Variants in HS3ST4 observed in about 807,000 individuals in gnomAD.
HS3ST4 encodes heparan sulfate-glucosamine 3-sulfotransferase 4, also known as heparan sulfate glucosamine 3-O-sulfotransferase 4.
A neutral mutation model predicts 29.2 loss-of-function variants in HS3ST4; 17 were observed. The observed-to-expected ratio is 0.58, with a 90% CI of 0.40 to 0.87. The LOEUF is 0.87. Among genes scored for constraint, HS3ST4 ranks in the 40% least tolerant of loss-of-function variants. The pLI is 0.00. For missense variants in HS3ST4, 627 were observed against 634.5 expected (o/e 0.99, Z 0.13); for synonymous variants, 314 against 285.7 (o/e 1.10, Z -1.00).
chr16:25,937,000 A>T (rs1968522930), intron 1 of HS3ST4, among the ~76,000 whole-genome samples: 1 of 152,164 alleles, frequency 6.6e-6, no homozygotes, highest in African/African-American at 2.4e-5. Flanking sequence ...CATCTCTCAG[A>T]TTTTGTGCTT....
intron 1 of HS3ST4, among the ~76,000 whole-genome samples, chr16:25,910,669 A>T (rs1443332653): frequency 6.6e-6 from 1 of 152,138 alleles, no homozygotes; most frequent in African/African-American, 2.4e-5. Context: ...AGTTAAACAA[A>T]AAAAACAAGT....
chr16:25,704,209 A>G (rs1966357623), intron 1 of HS3ST4, among the ~76,000 whole-genome samples: 1 of 152,216 alleles, frequency 6.6e-6, no homozygotes, highest in Admixed American at 6.5e-5. Context: ...GTAGCTAAGA[A>G]TTGTTCTCAG....
intron 1 of HS3ST4, among the ~76,000 whole-genome samples, chr16:26,098,807 G>C (rs561682162): frequency 1.3e-5 from 2 of 152,100 alleles, no homozygotes; most frequent in African/African-American, 4.8e-5. Context: ...CTGTGCAGGG[G>C]GGTAGATGTA....
chr16:25,988,387 G>A (rs1334266377), intron 1 of HS3ST4, among the ~76,000 whole-genome samples: 2 of 152,192 alleles, frequency 1.3e-5, no homozygotes, highest in East Asian at 1.9e-4. Flanking sequence ...GGCCAGGTGG[G>A]ACTGTGGATG....
At chr16:25,948,141 T>G (rs1348305420) in intron 1 of HS3ST4, among the ~76,000 whole-genome samples, 1 of 152,168 alleles carries the variant, frequency 6.6e-6, no homozygotes, top group Non-Finnish European at 1.5e-5. Flanking sequence ...TCCGACAGTC[T>G]CAAGGTCTCA....
chr16:25,829,791 A>G (rs1469791488), intron 1 of HS3ST4, among the ~76,000 whole-genome samples: 2 of 152,182 alleles, frequency 1.3e-5, no homozygotes, highest in Non-Finnish European at 2.9e-5. Flanking sequence ...ATGGTGTAAA[A>G]TACACTATTT....
At chr16:25,999,573 G>A (rs967744789) in intron 1 of HS3ST4, among the ~76,000 whole-genome samples, 5 of 150,118 alleles carry the variant, frequency 3.3e-5, no homozygotes, top group African/African-American at 1.2e-4. Context: ...CATGTATCTT[G>A]TTCTTTTTTG....
At chr16:25,883,561 C>CT (rs1376231671) in intron 1 of HS3ST4, among the ~76,000 whole-genome samples, 1 of 152,106 alleles carries the variant, frequency 6.6e-6, no homozygotes, top group African/African-American at 2.4e-5. Flanking sequence ...TTCAGGTCAG[C>CT]TTTTGGAGAG....
chr16:25,875,433 G>A (rs1238911819), intron 1 of HS3ST4, among the ~76,000 whole-genome samples: 2 of 152,146 alleles, frequency 1.3e-5, no homozygotes, highest in African/African-American at 4.8e-5. Flanking sequence ...TGCTGACTCT[G>A]TAGACCTCAT....
At chr16:25,713,380 G>A (rs1047883557) in intron 1 of HS3ST4, among the ~76,000 whole-genome samples, 1 of 151,902 alleles carries the variant, frequency 6.6e-6, no homozygotes, top group African/African-American at 2.4e-5. Flanking sequence ...ATACGAAAAT[G>A]AGCTGGGTGT....
rs144680390 is a variant in HS3ST4 at position 25,751,246 on chromosome 16, T to C, written c.734+58095T>C. 1.2e-3 allele frequency among the ~76,000 whole-genome samples: 190 copies of C among 152,282 alleles called. 3 individuals are homozygous for C. The East Asian group carries it at 0.032, about 26-fold the overall frequency. Reference sequence around the variant, plus strand: ...TGAATAGAAATATTTCCTCTGAAAGTGCGTGTGTGCGGATGTGGATGGATG... The same window carrying C: ...TGAATAGAAATATTTCCTCTGAAAGCGCGTGTGTGCGGATGTGGATGGATG... On this transcript the variant is annotated intron_variant, in intron 1 of 1. Coordinates refer to ENST00000331351, the MANE Select transcript of HS3ST4 (RefSeq NM_006040.3).
chr16:26,135,971 C>T lies in HS3ST4; in HGVS notation c.1094C>T (p.Ala365Val), dbSNP rs755614044. 4 of 1,613,988 alleles carry T rather than the reference C, an allele frequency of 2.5e-6. No individual in the cohort carries two copies. The South Asian group carries it at 4.4e-5, about 18-fold the overall frequency. The change falls in exon 2 of 2, where the codon GCC becomes GTC. Residue 365 changes from alanine (A) to valine (V), a missense_variant. Ala to Val is a moderately conservative substitution (Grantham distance 64). This residue lies in a region of HS3ST4 where 225 missense variants were observed against 293.7 expected (regional missense o/e 0.77). Coordinates refer to ENST00000331351, the MANE Select transcript of HS3ST4 (RefSeq NM_006040.3). ...VSGERLIVDP[A>V]GEMAKVQDFL... ...GGTGAGCGACTCATTGTGGACCCCG[C>T]CGGGGAAATGGCCAAAGTACAGGAT...
At chr16:25,792,271 T>C (rs184989466) in intron 1 of HS3ST4, among the ~76,000 whole-genome samples, 1,730 of 152,070 alleles carry the variant, frequency 0.011, 16 homozygotes, top group Non-Finnish European at 0.019. Context: ...CTTGTACCAG[T>C]CATGTCAAGT....
chr16:25,823,008 G>A (rs1322842603), intron 1 of HS3ST4, among the ~76,000 whole-genome samples: 1 of 152,248 alleles, frequency 6.6e-6, no homozygotes, highest in Non-Finnish European at 1.5e-5. Context: ...AAAGGGCTGG[G>A]ATTACAGGCG....
chr16:25,744,754 T>C (rs535689401), intron 1 of HS3ST4, among the ~76,000 whole-genome samples: 2 of 152,294 alleles, frequency 1.3e-5, no homozygotes, highest in East Asian at 1.9e-4. Flanking sequence ...GTTCTTGTGA[T>C]AGTGAATAAG....
intron 1 of HS3ST4, among the ~76,000 whole-genome samples, chr16:25,715,858 T>C (rs1012043473): frequency 6.6e-6 from 1 of 152,248 alleles, no homozygotes; most frequent in Non-Finnish European, 1.5e-5. Context: ...TGGGGCTTCC[T>C]GAGAAGTCCA....
At chr16:26,012,726 T>A (rs950494187) in intron 1 of HS3ST4, among the ~76,000 whole-genome samples, 1 of 152,204 alleles carries the variant, frequency 6.6e-6, no homozygotes, top group Non-Finnish European at 1.5e-5. Flanking sequence ...TCTCAGTGCC[T>A]GTTCAGGGAC....
intron 1 of HS3ST4, among the ~76,000 whole-genome samples, chr16:25,834,908 C>G (rs1168111247): frequency 6.6e-6 from 1 of 152,146 alleles, no homozygotes; most frequent in Non-Finnish European, 1.5e-5. Context: ...GATCGCACCA[C>G]TGCACTCCAG....
At chr16:25,906,392 C>G (rs1968180886) in intron 1 of HS3ST4, among the ~76,000 whole-genome samples, 1 of 152,094 alleles carries the variant, frequency 6.6e-6, no homozygotes, top group Non-Finnish European at 1.5e-5. Flanking sequence ...AAATTCTACC[C>G]TGAGTGGACT....
Sources: gnomAD v4.1 joint callset for allele counts (sites outside exome capture counted in the v4.1 genomes callset) on GRCh38, gnomAD v4.1.1 for gene constraint, gnomAD v4.1.1 regional missense constraint, MANE v1.5 for transcripts, NCBI Gene and HGNC (gene_info 2026-07-23, HGNC 2026-07-21) for gene names.